The following DPP9 variants were observed in gnomAD, a reference collection of about 807,000 sequenced individuals.
DPP9 encodes dipeptidyl peptidase IV-related protein-2.
In DPP9, 50 loss-of-function variants were observed where a neutral mutation model predicts 110.7. The observed-to-expected ratio is 0.45, with a 90% CI of 0.36 to 0.57. DPP9 has a LOEUF of 0.57. Among genes scored for constraint, DPP9 ranks in the 20% least tolerant of loss-of-function variants. The probability of loss-of-function intolerance (pLI) is 0.00; values close to 1 mark genes in which losing one functional copy is unlikely to be tolerated. For synonymous variants in DPP9, 561 were observed against 514.4 expected (o/e 1.09, Z -1.23); for missense variants, 1,022 against 1,217.9 (o/e 0.84, Z 2.39).
chr19:4,678,831 T>C (rs2089300660), intron 21 of DPP9, among the ~76,000 whole-genome samples: 1 of 151,936 alleles, frequency 6.6e-6, no homozygotes, highest in Non-Finnish European at 1.5e-5. Context: ...CCCTCTTGCC[T>C]CCAAGATACC....
chr19:4,716,505 C>T lies in DPP9; in HGVS notation c.57-2168G>A, dbSNP rs181208686. Among the ~76,000 whole-genome samples, 118 of 152,114 alleles carry T rather than the reference C, an allele frequency of 7.8e-4. 2 individuals are homozygous for T. Among genetic ancestry groups the T allele is most frequent in the Admixed American group, 2.9e-3 (45 of 15,266 alleles). ...ACAAAAAATTAGCCGGGCGTGGTAGCGGGCGCCTGTAGTCCCAGCTACTCG... is the reference window on the plus strand; with the variant it reads ...ACAAAAAATTAGCCGGGCGTGGTAGTGGGCGCCTGTAGTCCCAGCTACTCG... On this transcript the variant is annotated intron_variant, in intron 3 of 21. Coordinates refer to ENST00000262960, the MANE Select transcript of DPP9 (RefSeq NM_139159.5).
chr19:4,690,831 AAC>A (rs2091254227), intron 14 of DPP9, 45 bp downstream of exon 14: 1 of 1,449,850 alleles, frequency 6.9e-7, no homozygotes, highest in South Asian at 1.2e-5. Flanking sequence ...ATGTGTGTAA[AAC>A]ACACATGCAT....
At position 4,684,603 on chromosome 19, in the gene DPP9, C is replaced by T. The variant is rs1042955652; in HGVS notation, c.2178+60G>A. On this transcript the variant is annotated intron_variant, in intron 18 of 21. Coordinates refer to ENST00000262960, the MANE Select transcript of DPP9 (RefSeq NM_139159.5). This position sits in a 1 kb window ranked among gnomAD's most constrained non-coding sequence, Gnocchi z 4.8. ...GCCGCTCCCATGCCCTGCACCCACA[C>T]GGCCCAGGGCTCCCTTCCCGAGACC... 1.6e-5 allele frequency: 25 copies of T among 1,585,276 alleles called. No individual in the cohort carries two copies. Among genetic ancestry groups the T allele is most frequent in the Middle Eastern group, 1.7e-4 (1 of 5,950 alleles).
chr19:4,706,990 C>T (rs2092617674), intron 4 of DPP9, among the ~76,000 whole-genome samples: 1 of 152,176 alleles, frequency 6.6e-6, no homozygotes, highest in South Asian at 2.1e-4. Flanking sequence ...GTCGTGACAA[C>T]CACACATATC....
At position 4,694,770 on chromosome 19, in the gene DPP9, G is replaced by A; in HGVS notation, c.1407C>T (p.Cys469=). Residue 469 remains cysteine, a synonymous_variant, in exon 13 of 22, where the codon TGC becomes TGT. Transcript: ENST00000262960. The surrounding 1 kb of genome is among the most constrained non-coding windows in gnomAD (Gnocchi z 4.0). ...TCTTGCATTCATTGGCGCGGAGAAA[G>A]CAGAGCTCGTCCTCTCCCTCTGATT... is the stretch of plus-strand genomic sequence containing the variant. ...FPQSEGEDEL[C]FLRANECKTG... is the part of the protein sequence containing the mutation. 1 of 1,613,940 alleles carries A rather than the reference G, an allele frequency of 6.2e-7. No homozygotes were observed. Among genetic ancestry groups the A allele is most frequent in the Non-Finnish European group, 8.5e-7 (1 of 1,179,860 alleles).
chr19:4,686,848 G>A (rs750470521), intron 16 of DPP9, among the ~76,000 whole-genome samples: 5 of 152,198 alleles, frequency 3.3e-5, no homozygotes, highest in Admixed American at 6.5e-5. Context: ...TCTGGGAATT[G>A]GGCGTGGCGG....
rs989169045 is a variant in DPP9 at position 4,675,932 on chromosome 19, C to G, written c.*632G>C. 2.0e-5 allele frequency: 3 copies of G among 152,452 alleles called. No homozygotes were observed. The highest frequency in any genetic ancestry group is 7.2e-5 in the African/African-American group (3 of 41,418). The allele number at this position is 152,452 out of a possible 1,614,324, so 9.4% of individuals were successfully genotyped here. A position where few individuals can be genotyped will look rare whatever the true frequency, so the allele number is the denominator to read the frequency against. On this transcript the variant is annotated 3_prime_UTR_variant, in exon 22 of 22. Transcript: ENST00000262960. ...GATTATAGGCACGCGCCACCACACC[C>G]GGCTAATTTTTTGTATTTTTAGTAG...
chr19:4,723,437 ACTGGGAGGTGGCC>A (rs1253239048), intron 1 of DPP9, among the ~76,000 whole-genome samples: 1 of 151,956 alleles, frequency 6.6e-6, no homozygotes, highest in Non-Finnish European at 1.5e-5. Context: ...AAGGGGAGAA[ACTGGGAGGTGGCC>A]TGGCCAGCGC....
chr19:4,697,769 G>A, intron 10 of DPP9, 118 bp from the exon 11 acceptor site: 1 of 785,796 alleles, frequency 1.3e-6, no homozygotes, highest in South Asian at 1.7e-5. Context: ...TGGAGTCTCA[G>A]CCCCCAGAAC....
rs999855511 is a variant in DPP9 at position 4,710,505 on chromosome 19, T to A, written c.313+3576A>T. Among the ~76,000 whole-genome samples, 1 of 152,164 alleles carries A rather than the reference T, an allele frequency of 6.6e-6. No individual in the cohort carries two copies. Among genetic ancestry groups the A allele is most frequent in the African/African-American group, 2.4e-5 (1 of 41,456 alleles). On this transcript the variant is annotated intron_variant, in intron 4 of 21. Coordinates refer to ENST00000262960, the MANE Select transcript of DPP9 (RefSeq NM_139159.5). The surrounding 1 kb of genome is among the most constrained non-coding windows in gnomAD (Gnocchi z 5.6). ...TCTTCCCAGCAGCAGGAACCGCACG[T>A]TCCCCCGCTGCTCCTGCTAGCCTGA...
Position 4,685,764 on chromosome 19 carries a change from G to C in DPP9, c.1893C>G (p.Pro631=), listed in dbSNP as rs759033909. The change falls in exon 17 of 22, where the codon CCC becomes CCG. Residue 631 remains proline (P), a synonymous_variant. Coordinates refer to ENST00000262960, the MANE Select transcript of DPP9 (RefSeq NM_139159.5). The surrounding 1 kb of genome is among the most constrained non-coding windows in gnomAD (Gnocchi z 5.8). ...AGATCTCTGGAGGAACATAATCCGG[G>C]GGGCAGCCTGCGGGAGACAGGGCGG... ...WASMMEAASC[P]PDYVPPEIFH... is the part of the protein sequence containing the mutation. 3 of 1,612,832 alleles carry C rather than the reference G, an allele frequency of 1.9e-6. No individual in the cohort carries two copies. Among genetic ancestry groups the C allele is most frequent in the Non-Finnish European group, 2.5e-6 (3 of 1,179,820 alleles).
At chr19:4,712,182 GCT>G (rs1227643186) in intron 4 of DPP9, among the ~76,000 whole-genome samples, 1 of 152,202 alleles carries the variant, frequency 6.6e-6, no homozygotes, top group African/African-American at 2.4e-5. Context: ...TAACAGCCAA[GCT>G]CTCTCAGGTA....
chr19:4,723,037 C>T lies in DPP9; in HGVS notation c.-88-486G>A, dbSNP rs557329436. On this transcript the variant is annotated intron_variant, in intron 1 of 21. Coordinates refer to ENST00000262960, the MANE Select transcript of DPP9 (RefSeq NM_139159.5). ...GGGAGGCTGAGAGAAGGGGGCTGAACCCTGTGGGCTGGACCCTTGGAAGAC... is the reference window on the plus strand; with the variant it reads ...GGGAGGCTGAGAGAAGGGGGCTGAATCCTGTGGGCTGGACCCTTGGAAGAC... Among the ~76,000 whole-genome samples, 511 of 152,248 alleles carry T rather than the reference C, an allele frequency of 3.4e-3. 6 individuals carry two copies. Among genetic ancestry groups the T allele is most frequent in the African/African-American group, 0.012 (488 of 41,532 alleles).
Position 4,693,897 on chromosome 19 carries a change from A to G in DPP9, c.1516+764T>C, listed in dbSNP as rs1220875539. ...CCTATTCCTCCAACATGCCAGGAAC[A>G]GTCCTGCCTGCCCCAGGGCCTTTGT... On this transcript the variant is annotated intron_variant, in intron 13 of 21. Transcript: ENST00000262960. This position sits in a 1 kb window ranked among gnomAD's most constrained non-coding sequence, Gnocchi z 5.0. 1.3e-5 allele frequency among the ~76,000 whole-genome samples: 2 copies of G among 151,702 alleles called. No homozygotes were observed. Among genetic ancestry groups the G allele is most frequent in the Non-Finnish European group, 2.9e-5 (2 of 67,894 alleles).
Position 4,694,411 on chromosome 19 carries a change from C to T in DPP9, c.1516+250G>A, listed in dbSNP as rs2091607604. Reference sequence around the variant, plus strand: ...CCTGTGGGCCGTAGGTGGCCAACCCCTGGTTGTGCTAAGGGCCTGGCACAG... The same window carrying T: ...CCTGTGGGCCGTAGGTGGCCAACCCTTGGTTGTGCTAAGGGCCTGGCACAG... On this transcript the variant is annotated intron_variant, in intron 13 of 21. Coordinates refer to ENST00000262960, the MANE Select transcript of DPP9 (RefSeq NM_139159.5). This position sits in a 1 kb window ranked among gnomAD's most constrained non-coding sequence, Gnocchi z 4.0. 9.0e-6 allele frequency: 5 copies of T among 554,346 alleles called. No homozygotes were observed. The highest frequency in any genetic ancestry group is 1.6e-5 in the Non-Finnish European group (5 of 315,824). 34.3% of individuals were successfully genotyped at this position (554,346 alleles called of 1,614,324 possible).
At chr19:4,683,276 G>A (rs1045316215) in intron 19 of DPP9, 4 of 1,437,224 alleles carry the variant, frequency 2.8e-6, no homozygotes, top group Admixed American at 2.8e-5. Flanking sequence ...GCCATCCTGC[G>A]GTCGGCGGTG....
intron 2 of DPP9, among the ~76,000 whole-genome samples, chr19:4,721,440 CT>C (rs937314549): frequency 1.3e-5 from 2 of 152,228 alleles, no homozygotes; most frequent in African/African-American, 4.8e-5. Flanking sequence ...CAACTACCTT[CT>C]CAGACAAGCC....
At chr19:4,707,253 G>A (rs910562851) in intron 4 of DPP9, among the ~76,000 whole-genome samples, 3 of 152,138 alleles carry the variant, frequency 2.0e-5, no homozygotes, top group South Asian at 2.1e-4. Flanking sequence ...GTCTTACTGC[G>A]GAAGGCGCAA....
At chr19:4,719,125 C>G (rs1227583996) in intron 3 of DPP9, 4 of 151,884 alleles carry the variant, frequency 2.6e-5, no homozygotes, top group Admixed American at 2.0e-4. Flanking sequence ...GTCAGGTGAT[C>G]GAGACCATCC....
Sources: allele counts gnomAD v4.1 joint callset (sites outside exome capture counted in the v4.1 genomes callset), GRCh38; gene constraint gnomAD v4.1.1; non-coding constraint Gnocchi (gnomAD v3.1); transcripts MANE v1.5; gene names NCBI Gene and HGNC (gene_info 2026-07-23, HGNC 2026-07-21).